Variants in ASB15 observed in about 807,000 individuals in gnomAD.
The protein encoded by ASB15 is ankyrin repeat and SOCS box protein 15.
ASB15 carries 54 observed loss-of-function variants against 58.0 expected under a neutral mutation model. That is an observed-to-expected ratio of 0.93 (90% confidence interval 0.75 to 1.17). The LOEUF is 1.17. Among genes scored for constraint, ASB15 ranks in the 50% most tolerant of loss-of-function variants. The pLI, the probability that ASB15 is intolerant of heterozygous loss-of-function variation, is 0.00. For missense variants in ASB15, 680 were observed against 707.4 expected (o/e 0.96, Z 0.44); for synonymous variants, 249 against 262.4 (o/e 0.95, Z 0.50).
intron 1 of ASB15, among the ~76,000 whole-genome samples, chr7:123,587,874 C>G (rs1799418754): frequency 1.3e-5 from 2 of 151,726 alleles, no homozygotes; most frequent in South Asian, 4.1e-4. Flanking sequence ...ACTTGCATCC[C>G]AGAGATAAAT....
intron 1 of ASB15, among the ~76,000 whole-genome samples, chr7:123,595,719 C>G (rs2116382487): frequency 6.6e-6 from 1 of 152,308 alleles, no homozygotes; most frequent in South Asian, 2.1e-4. Flanking sequence ...CATTCATCTA[C>G]TTCTCTGGAT....
chr7:123,582,859 A>G (rs1261923358), intron 1 of ASB15, among the ~76,000 whole-genome samples: 1 of 152,048 alleles, frequency 6.6e-6, no homozygotes, highest in Admixed American at 6.6e-5. Flanking sequence ...TACTTGGCAA[A>G]TAAATGAATG....
intron 1 of ASB15, among the ~76,000 whole-genome samples, chr7:123,585,657 GT>G (rs1799356691): frequency 6.6e-6 from 1 of 151,688 alleles, no homozygotes; most frequent in African/African-American, 2.4e-5. Context: ...GTGTGTGTGT[GT>G]GTGTGGTGAG....
chr7:123,619,267 T>G (rs1275488326), intron 7 of ASB15, among the ~76,000 whole-genome samples: 1 of 151,432 alleles, frequency 6.6e-6, no homozygotes, highest in Non-Finnish European at 1.5e-5. Flanking sequence ...GGACTAATCT[T>G]CCTCCTTTCA....
At chr7:123,605,161 T>C (rs1800082234) in intron 2 of ASB15, among the ~76,000 whole-genome samples, 2 of 152,338 alleles carry the variant, frequency 1.3e-5, no homozygotes, top group South Asian at 2.1e-4. Context: ...CAGGAATGAA[T>C]ATTTTTGGAG....
chr7:123,609,685 C>A (rs1800334874), intron 3 of ASB15, among the ~76,000 whole-genome samples: 1 of 152,272 alleles, frequency 6.6e-6, no homozygotes, highest in African/African-American at 2.4e-5. Flanking sequence ...AAGTTGTATT[C>A]GTCCTTTTTC....
intron 10 of ASB15, 63 bp from the exon 11 acceptor site, chr7:123,629,903 A>G (rs2116655251): frequency 8.9e-7 from 1 of 1,121,862 alleles, no homozygotes. Flanking sequence ...CCATAACACA[A>G]TTGAGTGTTT....
upstream of ASB15, chr7:123,598,748 G>A (rs1259280817): frequency 6.6e-6 from 1 of 152,172 alleles, no homozygotes; most frequent in Non-Finnish European, 1.5e-5. Context: ...CATTAATTTA[G>A]TATAACTACC....
At chr7:123,578,125 A>C (rs1799115744) in intron 1 of ASB15, among the ~76,000 whole-genome samples, 1 of 150,364 alleles carries the variant, frequency 6.7e-6, no homozygotes, top group Non-Finnish European at 1.5e-5. Flanking sequence ...TTAAATGTTG[A>C]ATGAATAAAA....
rs1802534400 is a variant in ASB15, at chr7:123,638,886, A to G, written c.*1905A>G. On this transcript the variant is annotated 3_prime_UTR_variant, in exon 12 of 12. Transcript: ENST00000451215. Reference sequence around the variant, plus strand: ...GTCTTCCCACTAGACTATAAGCTCTATGAGGGTAGGTTCTATGTTTGTTTT... The same window carrying G: ...GTCTTCCCACTAGACTATAAGCTCTGTGAGGGTAGGTTCTATGTTTGTTTT... 1 of 152,288 alleles carries G rather than the reference A, an allele frequency of 6.6e-6. No individual in the cohort carries two copies. Among genetic ancestry groups the G allele is most frequent in the South Asian group, 2.1e-4 (1 of 4,820 alleles). 9.4% of individuals were successfully genotyped at this position (152,288 alleles called of 1,614,324 possible).
At chr7:123,618,200 T>G (rs1247542229) in intron 7 of ASB15, among the ~76,000 whole-genome samples, 1 of 152,184 alleles carries the variant, frequency 6.6e-6, no homozygotes, top group Non-Finnish European at 1.5e-5. Context: ...ATGGCACCTA[T>G]GAGGGGTACA....
chr7:123,572,849 C>A lies in ASB15; in HGVS notation c.-443+5761C>A, dbSNP rs1468526811. On this transcript the variant is annotated intron_variant, in intron 1 of 13. Transcript: ENST00000451558. ...TTTTCCATCTTTTAAATTTATTATG[C>A]TTCTCTTTGCTTTCTATACCCTTAT... Among the ~76,000 whole-genome samples the A allele has an allele frequency of 2.6e-5, 4 of 151,510 alleles. No homozygotes were observed. The East Asian group carries it at 5.8e-4, about 22-fold the overall frequency.
Position 123,614,707 on chromosome 7 carries a change from A to G in ASB15, c.107+98A>G, listed in dbSNP as rs1374823138. 9 of 817,438 alleles carry G rather than the reference A, an allele frequency of 1.1e-5. No individual in the cohort carries two copies. In the Admixed American group the frequency reaches 1.3e-4, roughly 11 times the overall value. The allele number at this position is 817,438 out of a possible 1,614,324, so 50.6% of individuals were successfully genotyped here. On this transcript the variant is annotated intron_variant, in intron 4 of 11. Transcript: ENST00000451215. ...CCGTTTCCTAATTCCTCCTCTAGGA[A>G]AATTGACCTTTCCTTTCTGATAGGG...
upstream of ASB15, among the ~76,000 whole-genome samples, chr7:123,601,342 TG>T (rs1317551372): frequency 1.3e-5 from 2 of 152,194 alleles, no homozygotes; most frequent in African/African-American, 4.8e-5. Context: ...TGTCACTGAC[TG>T]CCCTATCTCC....
chr7:123,592,721 G>A (rs1042961825), intron 1 of ASB15, among the ~76,000 whole-genome samples: 3 of 152,058 alleles, frequency 2.0e-5, no homozygotes, highest in African/African-American at 4.8e-5. Context: ...GGTCAATTTC[G>A]GAATAAGTGC....
At position 123,583,604 on chromosome 7, in the gene ASB15, AC is replaced by A. The variant is rs369282522; in HGVS notation, c.-443+16519del. 2.9e-3 allele frequency among the ~76,000 whole-genome samples: 437 copies of A among 152,148 alleles called. 4 individuals are homozygous for A. The highest frequency in any genetic ancestry group is 9.8e-3 in the African/African-American group (407 of 41,544). Reference sequence around the variant, plus strand: ...AAAAGCTGATTTTGATAAATCAACAACCCTTAGTCATAAAGTAAGTCAAACA... The same window carrying A: ...AAAAGCTGATTTTGATAAATCAACAACCTTAGTCATAAAGTAAGTCAAACA... On this transcript the variant is annotated intron_variant, in intron 1 of 13. Coordinates refer to the ASB15 transcript ENST00000451558.
intron 1 of ASB15, among the ~76,000 whole-genome samples, chr7:123,587,519 T>C (rs1799408861): frequency 1.3e-5 from 2 of 151,738 alleles, no homozygotes; most frequent in South Asian, 2.1e-4. Flanking sequence ...TCCTTTTCTA[T>C]TTGGATGCCT....
intron 4 of ASB15, 120 bp downstream of exon 4, chr7:123,614,729 A>G (rs1474701268): frequency 1.1e-5 from 8 of 730,220 alleles, no homozygotes; most frequent in Non-Finnish European, 1.9e-5. Flanking sequence ...CCTTTCTGAT[A>G]GGGAATCTAA....
chr7:123,594,960 C>A (rs1050062855), intron 1 of ASB15, among the ~76,000 whole-genome samples: 1 of 152,180 alleles, frequency 6.6e-6, no homozygotes, highest in African/African-American at 2.4e-5. Context: ...AGCTTCCCTG[C>A]CGCTTTGTTT....
Sources: gnomAD v4.1 joint callset for allele counts (sites outside exome capture counted in the v4.1 genomes callset) on GRCh38, gnomAD v4.1.1 for gene constraint, MANE v1.5 for transcripts, NCBI Gene and HGNC (gene_info 2026-07-23, HGNC 2026-07-21) for gene names.